The following SERPINF2 variants were observed in gnomAD, a reference collection of about 807,000 sequenced individuals.
The protein encoded by SERPINF2 is alpha-2-antiplasmin.
Under a neutral mutation model 45.0 loss-of-function variants are expected in SERPINF2, and 15 were observed. The ratio of observed to expected loss-of-function variants is 0.33; its 90% CI spans 0.22 to 0.51. The LOEUF is 0.51. SERPINF2 is among the 20% of genes least tolerant of loss of function. The pLI is 0.97. For synonymous variants in SERPINF2, 283 were observed against 277.9 expected, an observed-to-expected ratio of 1.02 and a Z score of -0.18; for missense variants, 518 against 637.4, an observed-to-expected ratio of 0.81 and a Z score of 2.02.
At chr17:1,752,089 T>C (rs550521091) in intron 8 of SERPINF2, among the ~76,000 whole-genome samples, 1 of 141,240 alleles carries the variant, frequency 7.1e-6, no homozygotes, top group African/African-American at 2.4e-5. Flanking sequence ...TTTACTCCTG[T>C]CCCCCAGGCT....
At position 1,745,134 on chromosome 17, in the gene SERPINF2, G is replaced by T; in HGVS notation, c.64-41G>T. The T allele has an allele frequency of 6.3e-7, 1 of 1,592,170 alleles. No homozygotes were observed. The highest frequency in any genetic ancestry group is 8.5e-7 in the Non-Finnish European group (1 of 1,169,974). On this transcript the variant is annotated intron_variant, in intron 2 of 9. Coordinates refer to ENST00000453066, the MANE Select transcript of SERPINF2 (RefSeq NM_000934.4). This position sits in a 1 kb window ranked among gnomAD's most constrained non-coding sequence, Gnocchi z 6.2. ...GGGCGTTGGCATGGAGGGAGGGCTT[G>T]GCTCCGAGGGGACCTCCTATCCTCA... is the stretch of plus-strand genomic sequence containing the variant.
chr17:1,747,187 C>T (rs527749868), intron 6 of SERPINF2, 25 bp downstream of exon 6: 3 of 1,611,668 alleles, frequency 1.9e-6, no homozygotes, highest in Non-Finnish European at 2.5e-6. Context: ...CAGGGAGCTC[C>T]CTCAGTCCTG....
At chr17:1,749,979 T>TC (rs1329982233) in intron 8 of SERPINF2, among the ~76,000 whole-genome samples, 2 of 87,958 alleles carry the variant, frequency 2.3e-5, no homozygotes, top group Non-Finnish European at 5.1e-5. Context: ...ATAAACTTCT[T>TC]TTTTTTTTTT....
At chr17:1,747,871 C>T (rs10438725) in intron 7 of SERPINF2, among the ~76,000 whole-genome samples, 25,725 of 151,540 alleles carry the variant, frequency 0.17, 2,465 homozygotes, top group Non-Finnish European at 0.23. Context: ...GCCATGCAGG[C>T]TTTGTTCTGA....
At chr17:1,752,841 G>T in intron 9 of SERPINF2, 51 bp downstream of exon 9, 6 of 1,513,496 alleles carry the variant, frequency 4.0e-6, no homozygotes, top group Non-Finnish European at 5.4e-6. Context: ...GGCAGGGCGG[G>T]TAAGGAGGAA....
intron 8 of SERPINF2, among the ~76,000 whole-genome samples, chr17:1,750,144 T>G (rs1906243273): frequency 6.6e-6 from 1 of 151,822 alleles, no homozygotes; most frequent in African/African-American, 2.4e-5. Flanking sequence ...TGGCTAATTT[T>G]GTTCGTTTGT....
At chr17:1,754,080 G>A (rs1906623443) in intron 9 of SERPINF2, 42 bp from the exon 10 acceptor site, 2 of 1,598,362 alleles carry the variant, frequency 1.3e-6, no homozygotes, top group East Asian at 4.5e-5. Flanking sequence ...GAGCCTGTGA[G>A]GCCAAGGGCA....
In SERPINF2 at chr17:1,754,972, G is replaced by A. The variant is rs1238316674; in HGVS notation, c.*438G>A. The A allele has an allele frequency of 2.7e-5, 6 of 221,240 alleles. No individual in the cohort carries two copies. Among genetic ancestry groups the A allele is most frequent in the East Asian group, 1.2e-4 (1 of 8,236 alleles). 13.7% of individuals were successfully genotyped at this position (221,240 alleles called of 1,614,324 possible). A position where few individuals can be genotyped will look rare whatever the true frequency, so the allele number is the denominator to read the frequency against. ...GGGCCCTGGTGGTGGCTCGGGAGGC[G>A]AAGCGTTGTCCTCAGCCCCGCGTGG... On this transcript the variant is annotated 3_prime_UTR_variant, in exon 10 of 10. Transcript: ENST00000453066.
At chr17:1,751,034 T>A (rs1906346604) in intron 8 of SERPINF2, among the ~76,000 whole-genome samples, 1 of 152,166 alleles carries the variant, frequency 6.6e-6, no homozygotes, top group Non-Finnish European at 1.5e-5. Flanking sequence ...CCGGGGCTTA[T>A]CCTCCCACGG....
Position 1,748,703 on chromosome 17 carries a change from C to T in SERPINF2, c.821C>T (p.Pro274Leu), listed in dbSNP as rs371122126. Residue 274 changes from proline to leucine, a missense_variant, in exon 8 of 10, where the codon CCG (proline) becomes CTG (leucine). This residue lies in a region of SERPINF2 where 435 missense variants were observed against 577.3 expected (regional missense o/e 0.75). Transcript: ENST00000453066. ...PVEMMQARTY[P>L]LRWFLLEQPE... ...GAAATGATGCAGGCCCGCACGTACCCGCTGCGCTGGTTCTTGCTGGAGCAG... is the reference window on the plus strand; with the variant it reads ...GAAATGATGCAGGCCCGCACGTACCTGCTGCGCTGGTTCTTGCTGGAGCAG... 7 of 1,555,722 alleles carry T rather than the reference C, an allele frequency of 4.5e-6. No homozygotes were observed. The highest frequency in any genetic ancestry group is 1.7e-4 in the Middle Eastern group (1 of 5,948).
chr17:1,752,851 A>G (rs1162864791), intron 9 of SERPINF2, 61 bp downstream of exon 9: 20 of 1,458,412 alleles, frequency 1.4e-5, no homozygotes, highest in Non-Finnish European at 1.8e-5. Context: ...GTAAGGAGGA[A>G]GCGTCTGGCT....
chr17:1,745,256 G>A lies in SERPINF2; in HGVS notation c.102+43G>A, dbSNP rs1305617098. 3.1e-6 allele frequency: 5 copies of A among 1,596,856 alleles called. No homozygotes were observed. The highest frequency in any genetic ancestry group is 1.7e-4 in the Middle Eastern group (1 of 5,892). On this transcript the variant is annotated intron_variant, in intron 3 of 9. Transcript: ENST00000453066. The surrounding 1 kb of genome is among the most constrained non-coding windows in gnomAD (Gnocchi z 6.2). The stretch of plus-strand genomic sequence containing the variant: ...GCCTGTGATGGGGGGAAGGTCCCGG[G>A]GGTCTCACTGGTGGCTTGGGCAGGG...
chr17:1,748,453 C>G, intron 7 of SERPINF2, 145 bp from the exon 8 acceptor site: 1 of 1,009,268 alleles, frequency 9.9e-7, no homozygotes, highest in African/African-American at 1.6e-5. Context: ...GCCTCCACCG[C>G]TGTCTCATCC....
chr17:1,743,114 G>A (rs1905441571), intron 1 of SERPINF2: 2 of 983,374 alleles, frequency 2.0e-6, no homozygotes, highest in African/African-American at 3.5e-5. Context: ...TCTTGTGTGG[G>A]ATGGGGGTGG....
intron 8 of SERPINF2, among the ~76,000 whole-genome samples, 198 bp from the exon 9 acceptor site, chr17:1,752,388 G>A (rs897915961): frequency 1.3e-5 from 2 of 152,062 alleles, no homozygotes; most frequent in African/African-American, 2.4e-5. Context: ...CATCTCATTC[G>A]GTTACGTGTC....
At chr17:1,750,262 C>A (rs1477882010) in intron 8 of SERPINF2, among the ~76,000 whole-genome samples, 1 of 152,148 alleles carries the variant, frequency 6.6e-6, no homozygotes, top group Non-Finnish European at 1.5e-5. Context: ...GATTCTCCTG[C>A]CTCAGCCTCC....
Position 1,748,708 on chromosome 17 carries a change from C to T in SERPINF2, c.826C>T (p.Arg276Cys), listed in dbSNP as rs200192711. The part of the protein sequence containing the change: ...EMMQARTYPL[R>C]WFLLEQPEIQ... ...GATGCAGGCCCGCACGTACCCGCTG[C>T]GCTGGTTCTTGCTGGAGCAGCCTGA... is the stretch of plus-strand genomic sequence containing the variant. Residue 276 changes from arginine to cysteine, a missense_variant, in exon 8 of 10, where the codon CGC becomes TGC. Arg to Cys is a radical substitution (Grantham distance 180). Coordinates refer to ENST00000453066, the MANE Select transcript of SERPINF2 (RefSeq NM_000934.4). 24 of 1,551,918 alleles carry T rather than the reference C, an allele frequency of 1.5e-5. No homozygotes were observed. The East Asian group carries it at 2.7e-4, about 17-fold the overall frequency.
chr17:1,744,434 G>A lies in SERPINF2; in HGVS notation c.-4-558G>A, dbSNP rs149608925. 143 of 474,072 alleles carry A rather than the reference G, an allele frequency of 3.0e-4. 1 individual carries two copies. The highest frequency in any genetic ancestry group is 2.8e-3 in the African/African-American group (130 of 47,104). The allele number at this position is 474,072 out of a possible 1,614,324, so 29.4% of individuals were successfully genotyped here. A position where few individuals can be genotyped will look rare whatever the true frequency, so the allele number is the denominator to read the frequency against. ...CTTGAACCTGGGAGGTGGAGGTTGC[G>A]GTGAGCCGAGATCCTGCCACTGCAC... is the stretch of plus-strand genomic sequence containing the variant. On this transcript the variant is annotated intron_variant, in intron 1 of 9. Transcript: ENST00000453066.
intron 9 of SERPINF2, among the ~76,000 whole-genome samples, chr17:1,753,304 T>G (rs1468992495): frequency 1.3e-5 from 2 of 152,140 alleles, no homozygotes; most frequent in Non-Finnish European, 2.9e-5. Flanking sequence ...TGGGAGGCCC[T>G]CTTGACCCCA....
Sources: gnomAD v4.1 joint callset for allele counts (sites outside exome capture counted in the v4.1 genomes callset) on GRCh38, gnomAD v4.1.1 for gene constraint, gnomAD v4.1.1 regional missense constraint, Gnocchi (gnomAD v3.1) non-coding constraint, MANE v1.5 for transcripts, NCBI Gene and HGNC (gene_info 2026-07-23, HGNC 2026-07-21) for gene names.